Variants in OPHN1 observed in about 807,000 individuals in gnomAD.
The protein encoded by OPHN1 is oligophrenin 1, also known as oligophrenin-1.
Under a neutral mutation model 60.7 loss-of-function variants are expected in OPHN1, and 11 were observed. The observed-to-expected ratio is 0.18, with a 90% confidence interval of 0.11 to 0.30. OPHN1 has a LOEUF of 0.30. Ranked by LOEUF, OPHN1 falls within the 10% of genes least tolerant of loss-of-function variation. The pLI, the probability that OPHN1 is intolerant of heterozygous loss-of-function variation, is 1.00. For missense variants in OPHN1, 449 were observed against 611.0 expected (o/e 0.73, Z 2.80); for synonymous variants, 226 against 222.6 (o/e 1.02, Z -0.14).
intron 2 of OPHN1, among the ~76,000 whole-genome samples, chrX:68,374,756 G>T (rs2078547580): frequency 8.9e-6 from 1 of 112,049 alleles, no homozygotes; most frequent in Admixed American, 9.6e-5. Flanking sequence ...TATGTAAACA[G>T]AATACATAAG....
intron 2 of OPHN1, among the ~76,000 whole-genome samples, chrX:68,299,983 C>G (rs898532575): frequency 5.4e-5 from 6 of 110,674 alleles, no homozygotes; most frequent in Admixed American, 4.9e-4. Context: ...CAAGCCCTAC[C>G]CTGGACTTAA....
intron 2 of OPHN1, among the ~76,000 whole-genome samples, chrX:68,381,211 A>T (rs2078594620): frequency 8.9e-6 from 1 of 111,894 alleles, no homozygotes. Context: ...AAAAATTTCA[A>T]AATCCAAATA....
At chrX:68,136,212 G>A (rs977851333) in intron 15 of OPHN1, among the ~76,000 whole-genome samples, 5 of 109,197 alleles carry the variant, frequency 4.6e-5, no homozygotes, top group Admixed American at 3.9e-4. Flanking sequence ...AGAAACAAAG[G>A]CAAGTGTAAC....
chrX:68,157,674 C>T (rs1276097783), intron 15 of OPHN1, among the ~76,000 whole-genome samples: 1 of 109,214 alleles, frequency 9.2e-6, no homozygotes, highest in East Asian at 2.9e-4. Context: ...AACCTGCCCA[C>T]GCACCCCCTG....
intron 2 of OPHN1, among the ~76,000 whole-genome samples, chrX:68,351,184 C>T (rs1476701551): frequency 9.0e-6 from 1 of 111,438 alleles, no homozygotes; most frequent in Non-Finnish European, 1.9e-5. Context: ...ACCTCGGCCT[C>T]CCAAAGTGCT....
intron 18 of OPHN1, among the ~76,000 whole-genome samples, chrX:68,097,960 T>C (rs2077043964): frequency 9.0e-6 from 1 of 111,149 alleles, no homozygotes; most frequent in African/African-American, 3.3e-5. Context: ...CTGTTGTTAT[T>C]ATTACCTCTC....
chrX:68,180,363 G>T (rs1453134678), intron 15 of OPHN1, among the ~76,000 whole-genome samples: 1 of 111,427 alleles, frequency 9.0e-6, no homozygotes, highest in African/African-American at 3.3e-5. Context: ...GGATGAGCAG[G>T]TATCTTTTTT....
intron 19 of OPHN1, among the ~76,000 whole-genome samples, chrX:68,076,020 A>G (rs745416051): frequency 5.4e-5 from 6 of 110,515 alleles, no homozygotes; most frequent in African/African-American, 1.6e-4. Context: ...AATGAAAAGA[A>G]AAACCACAGA....
chrX:68,368,070 G>A (rs1602359419), intron 2 of OPHN1, among the ~76,000 whole-genome samples: 1 of 112,043 alleles, frequency 8.9e-6, no homozygotes, highest in East Asian at 2.8e-4. Flanking sequence ...CAAAACTCAA[G>A]CTAGAAATGG....
At chrX:68,189,768 A>G (rs2077479910) in intron 15 of OPHN1, among the ~76,000 whole-genome samples, 1 of 111,857 alleles carries the variant, frequency 8.9e-6, no homozygotes. Flanking sequence ...TTATGAATGT[A>G]TTGCCTTTGA....
At chrX:68,402,811 AT>A (rs1230569908) in intron 2 of OPHN1, among the ~76,000 whole-genome samples, 1 of 111,845 alleles carries the variant, frequency 8.9e-6, no homozygotes, top group African/African-American at 3.2e-5. Flanking sequence ...GGTTCCACAT[AT>A]GGCCAGTAGT....
chrX:68,204,502 C>G (rs763156517), intron 10 of OPHN1, among the ~76,000 whole-genome samples: 1 of 111,616 alleles, frequency 9.0e-6, no homozygotes, highest in Admixed American at 9.6e-5. Flanking sequence ...GAAATAGTGG[C>G]TTTTGTAGTG....
intron 10 of OPHN1, among the ~76,000 whole-genome samples, chrX:68,202,854 TAAA>T (rs1235588938): frequency 9.0e-6 from 1 of 111,627 alleles, no homozygotes; most frequent in African/African-American, 3.3e-5. Flanking sequence ...AAGTGACACT[TAAA>T]GAAGTAAAGC....
intron 15 of OPHN1, among the ~76,000 whole-genome samples, chrX:68,178,762 A>G (rs1184089909): frequency 8.9e-6 from 1 of 111,761 alleles, no homozygotes; most frequent in Non-Finnish European, 1.9e-5. Context: ...ACAAATTCCA[A>G]ATTGTTTTTG....
chrX:68,201,199 G>C (rs1466884046), intron 11 of OPHN1, among the ~76,000 whole-genome samples: 1 of 111,523 alleles, frequency 9.0e-6, no homozygotes, highest in South Asian at 3.8e-4. Flanking sequence ...ATAACACCAC[G>C]ACCCTCCACC....
intron 15 of OPHN1, chrX:68,133,485 T>C: frequency 2.0e-6 from 1 of 512,743 alleles, no homozygotes; most frequent in South Asian, 2.3e-5. Flanking sequence ...CCTCAAGAGA[T>C]GCCTGCTGTA....
At chrX:68,283,609 G>A (rs1365821149) in intron 3 of OPHN1, among the ~76,000 whole-genome samples, 1 of 111,656 alleles carries the variant, frequency 9.0e-6, no homozygotes, top group East Asian at 2.8e-4. Context: ...AGTGCCAATT[G>A]TGCCACTTAC....
chrX:68,254,466 C>T, intron 5 of OPHN1, among the ~76,000 whole-genome samples: 1 of 111,336 alleles, frequency 9.0e-6, no homozygotes, highest in Middle Eastern at 4.7e-3. Context: ...AGTCACTGTT[C>T]ATTGCCAATT....
intron 5 of OPHN1, among the ~76,000 whole-genome samples, chrX:68,253,347 G>A (rs1248264834): frequency 9.0e-6 from 1 of 111,574 alleles, no homozygotes; most frequent in Non-Finnish European, 1.9e-5. Context: ...GGGTCTACAA[G>A]GTTATCTCAG....
Sources: gnomAD v4.1 joint callset for allele counts (sites outside exome capture counted in the v4.1 genomes callset) on GRCh38, gnomAD v4.1.1 for gene constraint, MANE v1.5 for transcripts, NCBI Gene and HGNC (gene_info 2026-07-23, HGNC 2026-07-21) for gene names.